Variants in MAPK8IP3 observed in about 807,000 individuals in gnomAD.
The protein encoded by MAPK8IP3 is mitogen-activated protein kinase 8 interacting protein 3.
In MAPK8IP3, 49 loss-of-function variants were observed where a neutral mutation model predicts 157.8. The ratio of observed to expected loss-of-function variants is 0.31; its 90% CI spans 0.25 to 0.39. The LOEUF is 0.39. Among genes scored for constraint, MAPK8IP3 ranks in the 10% least tolerant of loss-of-function variants. MAPK8IP3 has a pLI of 1.00. For missense variants in MAPK8IP3, 1,478 were observed against 1,889.4 expected (o/e 0.78, Z 4.04); for synonymous variants, 897 against 777.7 (o/e 1.15, Z -2.55).
At position 1,736,906 on chromosome 16, in the gene MAPK8IP3, C is replaced by CCG. The variant is rs1468554049; in HGVS notation, c.603-6426_603-6425insCG. 4.8e-3 allele frequency among the ~76,000 whole-genome samples: 42 copies of CCG among 8,830 alleles called. 6 individuals carry two copies. The highest frequency in any genetic ancestry group is 0.023 in the African/African-American group (42 of 1,838). The allele number at this position is 8,830 out of a possible 152,430, so 5.8% of individuals were successfully genotyped here. A position where few individuals can be genotyped will look rare whatever the true frequency, so the allele number is the denominator to read the frequency against. ...CGTGTGACCGTCCGTGTGTGACCGT[C>CCG]TGTGTGAGTGACCATCCATGTGAGC... On this transcript the variant is annotated intron_variant, in intron 4 of 31. Coordinates refer to ENST00000610761, the MANE Select transcript of MAPK8IP3 (RefSeq NM_001318852.2).
chr16:1,737,222 C>A (rs570778790), intron 4 of MAPK8IP3, among the ~76,000 whole-genome samples: 7 of 73,836 alleles, frequency 9.5e-5, no homozygotes, highest in African/African-American at 4.1e-4. Flanking sequence ...GAGAGTGTGA[C>A]CATCCATGTA....
In MAPK8IP3 at chr16:1,754,518, C is replaced by T. The variant is rs887256651; in HGVS notation, c.1217-3630C>T. ...GCCGGGCACAGTGGTTCATGCCTGT[C>T]ATCCCAGCACTGTGGGAGGCCAGGG... On this transcript the variant is annotated intron_variant, in intron 8 of 31. Coordinates refer to ENST00000610761, the MANE Select transcript of MAPK8IP3 (RefSeq NM_001318852.2). 3.3e-5 allele frequency among the ~76,000 whole-genome samples: 5 copies of T among 152,010 alleles called. No homozygotes were observed. In the East Asian group the frequency reaches 9.7e-4, roughly 29 times the overall value.
chr16:1,706,933 C>T lies in MAPK8IP3; in HGVS notation c.318+276C>T, dbSNP rs1168654614. 6.6e-6 allele frequency among the ~76,000 whole-genome samples: 1 copy of T among 150,838 alleles called. No homozygotes were observed. Among genetic ancestry groups the T allele is most frequent in the Non-Finnish European group, 1.5e-5 (1 of 67,580 alleles). On this transcript the variant is annotated intron_variant, in intron 1 of 31. Coordinates refer to ENST00000610761, the MANE Select transcript of MAPK8IP3 (RefSeq NM_001318852.2). The surrounding 1 kb of genome is among the most constrained non-coding windows in gnomAD (Gnocchi z 5.1). ...CGACTCCCGGGGACCCCCTTTTCCG[C>T]CCAGGCCTGGGCCCTGGCCCCCTCC...
intron 1 of MAPK8IP3, among the ~76,000 whole-genome samples, chr16:1,708,844 A>G (rs2037569987): frequency 6.6e-6 from 1 of 152,184 alleles, no homozygotes; most frequent in East Asian, 1.9e-4. Flanking sequence ...AGAGGGCTCG[A>G]TGCTGTCAAC....
intron 5 of MAPK8IP3, chr16:1,744,590 T>C (rs1596691734): frequency 2.0e-6 from 2 of 985,660 alleles, no homozygotes; most frequent in Non-Finnish European, 2.4e-6. Flanking sequence ...CCACCTCCTC[T>C]CACTGTCTCT....
In MAPK8IP3 at chr16:1,768,906, G is replaced by A; in HGVS notation, c.*82G>A. 1 of 1,522,970 alleles carries A rather than the reference G, an allele frequency of 6.6e-7. No homozygotes were observed. Among genetic ancestry groups the A allele is most frequent in the South Asian group, 1.2e-5 (1 of 84,018 alleles). The allele number at this position is 1,522,970 out of a possible 1,614,324, so 94.3% of individuals were successfully genotyped here. A position where few individuals can be genotyped will look rare whatever the true frequency, so the allele number is the denominator to read the frequency against. On this transcript the variant is annotated 3_prime_UTR_variant, in exon 32 of 32. Transcript: ENST00000610761. ...GCCCGGCCCGCGGGGTAGCCAGCCA[G>A]GCGCCGCCGCCCCTCTTCTAACCTC... is the stretch of plus-strand genomic sequence containing the variant.
At chr16:1,735,085 C>G (rs543520264) in intron 4 of MAPK8IP3, 127 of 152,748 alleles carry the variant, frequency 8.3e-4, no homozygotes, top group African/African-American at 2.8e-3. Flanking sequence ...CCACACAGCC[C>G]CGTTCCAGGG....
At chr16:1,730,041 C>CT (rs1310727977) in intron 4 of MAPK8IP3, among the ~76,000 whole-genome samples, 3 of 63,480 alleles carry the variant, frequency 4.7e-5, no homozygotes, top group African/African-American at 2.2e-4. Context: ...GATCTTGTCT[C>CT]TACAAAAAAA....
intron 1 of MAPK8IP3, among the ~76,000 whole-genome samples, chr16:1,721,449 T>A (rs756777853): frequency 6.6e-6 from 1 of 152,188 alleles, no homozygotes; most frequent in Non-Finnish European, 1.5e-5. Context: ...AAACCTTTTT[T>A]TTTAGAGAGA....
rs551043903 is a variant in MAPK8IP3 at position 1,706,219 on chromosome 16, G to T, written c.-121G>T. ...CAGCCTCGGCAGCGGCGGCGGCGGA[G>T]CCCTGAGGCGACAGCAGCTGCGGGA... On this transcript the variant is annotated 5_prime_UTR_variant, in exon 1 of 32. Transcript: ENST00000610761. This position sits in a 1 kb window ranked among gnomAD's most constrained non-coding sequence, Gnocchi z 5.1. 2.5e-3 allele frequency: 2,181 copies of T among 878,826 alleles called. 12 individuals are homozygous for T. The highest frequency in any genetic ancestry group is 2.6e-3 in the Middle Eastern group (7 of 2,644). 54.4% of individuals were successfully genotyped at this position (878,826 alleles called of 1,614,324 possible).
At chr16:1,746,166 G>C (rs1223037050) in intron 5 of MAPK8IP3, 10 of 152,282 alleles carry the variant, frequency 6.6e-5, no homozygotes, top group Admixed American at 6.5e-4. Flanking sequence ...AGGAGGGCCG[G>C]GGGCCACGGG....
intron 9 of MAPK8IP3, 48 bp from the exon 10 acceptor site, chr16:1,758,930 C>G: frequency 1.9e-6 from 3 of 1,609,276 alleles, no homozygotes; most frequent in Non-Finnish European, 2.6e-6. Flanking sequence ...TCTCCCTCTC[C>G]TCCCGCCCTG....
rs757109792 is a variant in MAPK8IP3, at chr16:1,743,447, G to A, written c.718G>A (p.Gly240Ser). The change falls in exon 5 of 32, where the codon GGC (glycine) becomes AGC (serine). Residue 240 changes from glycine to serine, a missense_variant. Transcript: ENST00000610761. The surrounding 1 kb of genome is among the most constrained non-coding windows in gnomAD (Gnocchi z 5.6). Reference protein sequence around the residue: ...AGDHWHLSDLGQLQSSSSYQC... With the variant: ...AGDHWHLSDLSQLQSSSSYQC... Reference sequence around the variant, plus strand: ...GGACCACTGGCACCTGAGTGACCTCGGCCAGCTGCAGTCCAGCTCCAGCTA... The same window carrying A: ...GGACCACTGGCACCTGAGTGACCTCAGCCAGCTGCAGTCCAGCTCCAGCTA... The A allele has an allele frequency of 1.3e-5, 21 of 1,609,618 alleles. No homozygotes were observed. Among genetic ancestry groups the A allele is most frequent in the East Asian group, 2.2e-5 (1 of 44,562 alleles).
rs563559363 is a variant in MAPK8IP3 at position 1,737,124 on chromosome 16, G to A, written c.603-6208G>A. On this transcript the variant is annotated intron_variant, in intron 4 of 31. Transcript: ENST00000610761. ...CATCCATGTGAGCATCTGTGTGACC[G>A]TCCGTGTGAGCATGTGACCATCCGT... is the stretch of plus-strand genomic sequence containing the variant. 1.3e-3 allele frequency among the ~76,000 whole-genome samples: 114 copies of A among 89,902 alleles called. 5 individuals are homozygous for A. Among genetic ancestry groups the A allele is most frequent in the African/African-American group, 3.0e-3 (68 of 22,606 alleles). 59.0% of individuals were successfully genotyped at this position (89,902 alleles called of 152,430 possible).
At chr16:1,728,490 A>T (rs1027445088) in intron 2 of MAPK8IP3, among the ~76,000 whole-genome samples, 1 of 152,234 alleles carries the variant, frequency 6.6e-6, no homozygotes. Context: ...ACTTTAGCAC[A>T]GAGAGCGCCT....
At position 1,746,729 on chromosome 16, in the gene MAPK8IP3, G is replaced by C. The variant is rs533066479; in HGVS notation, c.748-300G>C. On this transcript the variant is annotated intron_variant, in intron 5 of 31. Transcript: ENST00000610761. ...GCCGCTGTGTCCCTGGCGAGGCACTGGCCCATTACAAGCAATCGTCTGGGG... is the reference window on the plus strand; with the variant it reads ...GCCGCTGTGTCCCTGGCGAGGCACTCGCCCATTACAAGCAATCGTCTGGGG... 1.9e-5 allele frequency: 8 copies of C among 422,634 alleles called. No homozygotes were observed. In the South Asian group the frequency reaches 2.4e-4, roughly 13 times the overall value. The allele number at this position is 422,634 out of a possible 1,614,324, so 26.2% of individuals were successfully genotyped here. A position where few individuals can be genotyped will look rare whatever the true frequency, so the allele number is the denominator to read the frequency against.
intron 1 of MAPK8IP3, among the ~76,000 whole-genome samples, chr16:1,709,664 G>A (rs1032869906): frequency 6.6e-6 from 1 of 152,256 alleles, no homozygotes; most frequent in Non-Finnish European, 1.5e-5. Flanking sequence ...AACAGCAGCT[G>A]AACGGGGTGG....
At position 1,751,273 on chromosome 16, in the gene MAPK8IP3, T is replaced by C. The variant is rs1004875459; in HGVS notation, c.1216+2553T>C. Among the ~76,000 whole-genome samples the C allele has an allele frequency of 6.6e-5, 10 of 152,028 alleles. No individual in the cohort carries two copies. Among genetic ancestry groups the C allele is most frequent in the Admixed American group, 5.2e-4 (8 of 15,268 alleles). Reference sequence around the variant, plus strand: ...GAGTTTGAGACCAGCCTGGCCAACATGGTGAAACCCATCTCTACTAAAAAT... The same window carrying C: ...GAGTTTGAGACCAGCCTGGCCAACACGGTGAAACCCATCTCTACTAAAAAT... On this transcript the variant is annotated intron_variant, in intron 8 of 31. Coordinates refer to ENST00000610761, the MANE Select transcript of MAPK8IP3 (RefSeq NM_001318852.2). This position sits in a 1 kb window ranked among gnomAD's most constrained non-coding sequence, Gnocchi z 5.0.
At chr16:1,768,150 A>ATC in intron 29 of MAPK8IP3, 43 bp downstream of exon 29, 1 of 1,611,784 alleles carries the variant, frequency 6.2e-7, no homozygotes, top group Non-Finnish European at 8.5e-7. Flanking sequence ...AGCCTCTCCC[A>ATC]CTCTCCACCT....
Sources: gnomAD v4.1 joint callset for allele counts (sites outside exome capture counted in the v4.1 genomes callset) on GRCh38, gnomAD v4.1.1 for gene constraint, Gnocchi (gnomAD v3.1) non-coding constraint, MANE v1.5 for transcripts, NCBI Gene and HGNC (gene_info 2026-07-23, HGNC 2026-07-21) for gene names.